HYAL4: variants seen among roughly 807,000 people sequenced by gnomAD.
HYAL4 encodes the protein hyaluronidase 4.
Under a neutral mutation model 35.2 loss-of-function variants are expected in HYAL4, and 37 were observed. That is an observed-to-expected ratio of 1.05 (90% CI 0.81 to 1.38). The LOEUF (loss-of-function observed/expected upper bound fraction) is 1.38. Among genes scored for constraint, HYAL4 ranks in the 40% most tolerant of loss-of-function variants. HYAL4 has a pLI of 0.00. For synonymous variants in HYAL4, 198 were observed against 203.2 expected (o/e 0.97, Z 0.22); for missense variants, 572 against 572.4 (o/e 1.00, Z 0.01).
the HYAL4 span, among the ~76,000 whole-genome samples, chr7:123,793,312 A>T: frequency 6.6e-6 from 1 of 152,220 alleles, no homozygotes; most frequent in East Asian, 1.9e-4. Context: ...TTTGCTAGAC[A>T]GTTGTCTCTA....
At chr7:123,854,188 G>T (rs1243892189) in intron 2 of HYAL4, among the ~76,000 whole-genome samples, 1 of 151,992 alleles carries the variant, frequency 6.6e-6, no homozygotes, top group East Asian at 1.9e-4. Context: ...TGGATTCATT[G>T]TGTTTTTGAA....
chr7:123,788,417 C>T, the HYAL4 span, among the ~76,000 whole-genome samples: 2 of 152,194 alleles, frequency 1.3e-5, no homozygotes, highest in Non-Finnish European at 2.9e-5. Flanking sequence ...CTCTGTTCTT[C>T]AACCATAACA....
At chr7:123,807,608 T>G in the HYAL4 span, among the ~76,000 whole-genome samples, 1 of 151,726 alleles carries the variant, frequency 6.6e-6, no homozygotes, top group Admixed American at 6.6e-5. Flanking sequence ...GCCTGGCTAA[T>G]TTTTGTATTT....
chr7:123,805,595 A>G, the HYAL4 span, among the ~76,000 whole-genome samples: 2 of 152,196 alleles, frequency 1.3e-5, no homozygotes, highest in Non-Finnish European at 2.9e-5. Flanking sequence ...TAACAACATA[A>G]TAAAAAAGAA....
intron 2 of HYAL4, among the ~76,000 whole-genome samples, chr7:123,862,983 A>C (rs1009081522): frequency 6.6e-6 from 1 of 152,220 alleles, no homozygotes; most frequent in Admixed American, 6.5e-5. Context: ...TAGAGACAGC[A>C]GACATGCTCT....
Position 123,877,152 on chromosome 7 carries a change from G to C in HYAL4, c.1443G>C (p.Leu481Phe). ...TAGCAAGTTATCGAAGCATTCAGTTGTGAGATAATTGAGTTTAAAGGGAAT... is the reference window on the plus strand; with the variant it reads ...TAGCAAGTTATCGAAGCATTCAGTTCTGAGATAATTGAGTTTAAAGGGAAT... Reference protein sequence around the residue: ...LLLASYRSIQL With the variant: ...LLLASYRSIQF The change falls in exon 5 of 5, where the codon TTG becomes TTC. Residue 481 changes from leucine (L) to phenylalanine (F), a missense_variant. Physicochemically the swap from Leu to Phe is conservative, Grantham distance 22 (BLOSUM62 0). Coordinates refer to ENST00000223026, the MANE Select transcript of HYAL4 (RefSeq NM_012269.3). 1.2e-6 allele frequency: 2 copies of C among 1,611,668 alleles called. No homozygotes were observed. Among genetic ancestry groups the C allele is most frequent in the Non-Finnish European group, 1.7e-6 (2 of 1,178,394 alleles).
At chr7:123,776,171 T>C in the HYAL4 span, among the ~76,000 whole-genome samples, 1 of 152,332 alleles carries the variant, frequency 6.6e-6, no homozygotes, top group Middle Eastern at 3.4e-3. Context: ...TGCCTATTGC[T>C]GGGACTCAGC....
chr7:123,777,945 AGGTTTTATTAATTTAT>A, the HYAL4 span, among the ~76,000 whole-genome samples: 1 of 151,684 alleles, frequency 6.6e-6, no homozygotes, highest in Non-Finnish European at 1.5e-5. Context: ...TATTTCTATA[AGGTTTTATTAATTTAT>A]AATTGAGAGA....
the HYAL4 span, among the ~76,000 whole-genome samples, chr7:123,780,536 C>A: frequency 6.6e-6 from 1 of 152,170 alleles, no homozygotes; most frequent in Non-Finnish European, 1.5e-5. Context: ...CCCTTAGAAT[C>A]ATCATCTAAG....
chr7:123,858,848 G>C (rs980893389), intron 2 of HYAL4, among the ~76,000 whole-genome samples: 1 of 152,304 alleles, frequency 6.6e-6, no homozygotes, highest in East Asian at 1.9e-4. Flanking sequence ...ACTGGCTCCA[G>C]AGTGTAAGAT....
At chr7:123,847,811 A>G (rs911419013) in intron 1 of HYAL4, among the ~76,000 whole-genome samples, 2 of 152,192 alleles carry the variant, frequency 1.3e-5, no homozygotes, top group Admixed American at 1.3e-4. Flanking sequence ...GCTTTAGTAC[A>G]CAAAGCACTT....
chr7:123,830,601 T>C (rs1562990778), intron 1 of HYAL4, among the ~76,000 whole-genome samples: 1 of 152,200 alleles, frequency 6.6e-6, no homozygotes, highest in Non-Finnish European at 1.5e-5. Context: ...TTTTTCCCAG[T>C]CTCTTACTAT....
the HYAL4 span, among the ~76,000 whole-genome samples, chr7:123,805,104 T>C: frequency 6.6e-6 from 1 of 152,202 alleles, no homozygotes; most frequent in Non-Finnish European, 1.5e-5. Flanking sequence ...TGTAAGTCCA[T>C]TTATTTAGGT....
chr7:123,872,851 C>G (rs1039881273), intron 3 of HYAL4, among the ~76,000 whole-genome samples: 4 of 152,170 alleles, frequency 2.6e-5, no homozygotes, highest in East Asian at 1.9e-4. Context: ...GATTTGAAAA[C>G]TAATTTGGAA....
At chr7:123,827,326 G>A (rs1011227435), upstream of HYAL4, among the ~76,000 whole-genome samples, 2 of 152,070 alleles carry the variant, frequency 1.3e-5, no homozygotes, top group Admixed American at 6.6e-5. Flanking sequence ...CAAGGAGGGC[G>A]GCTGCAACAG....
the HYAL4 span, among the ~76,000 whole-genome samples, chr7:123,820,744 A>G: frequency 9.9e-3 from 1,509 of 152,278 alleles, 10 homozygotes; most frequent in Admixed American, 0.015. Context: ...CTAAACTAGC[A>G]TATCTCGGAC....
chr7:123,803,809 C>A, the HYAL4 span, among the ~76,000 whole-genome samples: 1 of 152,186 alleles, frequency 6.6e-6, no homozygotes, highest in African/African-American at 2.4e-5. Flanking sequence ...TCTTCTTCTG[C>A]ATCTTTCCTC....
At chr7:123,807,292 T>G in the HYAL4 span, among the ~76,000 whole-genome samples, 1 of 152,152 alleles carries the variant, frequency 6.6e-6, no homozygotes, top group East Asian at 1.9e-4. Flanking sequence ...TAAAAGCTAC[T>G]ACTATTATCT....
At chr7:123,839,229 A>G (rs1806015357) in intron 1 of HYAL4, among the ~76,000 whole-genome samples, 1 of 150,936 alleles carries the variant, frequency 6.6e-6, no homozygotes, top group South Asian at 2.1e-4. Context: ...GAGTGAGAAC[A>G]TGTGGTGTTT....
Sources: allele counts gnomAD v4.1 joint callset (sites outside exome capture counted in the v4.1 genomes callset), GRCh38; gene constraint gnomAD v4.1.1; transcripts MANE v1.5; gene names NCBI Gene and HGNC (gene_info 2026-07-23, HGNC 2026-07-21).